The following RYR3 variants were observed in gnomAD, a reference collection of about 807,000 sequenced individuals.
The protein encoded by RYR3 is ryanodine receptor 3.
Under a neutral mutation model 584.3 loss-of-function variants are expected in RYR3, and 207 were observed. That is an observed-to-expected ratio of 0.35 (90% CI 0.32 to 0.40). The LOEUF (loss-of-function observed/expected upper bound fraction) is 0.40. RYR3 is among the 10% of genes least tolerant of loss of function. RYR3 has a pLI of 1.00. For missense variants in RYR3, 5,616 were observed against 6,089.2 expected, an observed-to-expected ratio of 0.92 and a Z score of 2.59; for synonymous variants, 2,416 against 2,248.5, an observed-to-expected ratio of 1.07 and a Z score of -2.11.
intron 36 of RYR3, among the ~76,000 whole-genome samples, chr15:33,664,587 GTGTA>G (rs1566908342): frequency 2.3e-5 from 1 of 42,626 alleles, no homozygotes; most frequent in African/African-American, 7.4e-5. Context: ...GTGTGTGTGT[GTGTA>G]TATATATATA....
chr15:33,440,042 C>T (rs1300288525), intron 1 of RYR3, among the ~76,000 whole-genome samples: 1 of 152,156 alleles, frequency 6.6e-6, no homozygotes, highest in African/African-American at 2.4e-5. Flanking sequence ...AATCCCAGCA[C>T]TTTGGGAGGC....
chr15:33,377,292 A>T (rs1481923123), intron 1 of RYR3, among the ~76,000 whole-genome samples: 1 of 152,192 alleles, frequency 6.6e-6, no homozygotes, highest in African/African-American at 2.4e-5. Context: ...CTCTTCTCTA[A>T]ACAATGACGC....
At position 33,798,237 on chromosome 15, in the gene RYR3, C is replaced by A. The variant is rs575630170; in HGVS notation, c.9831-2533C>A. 2.6e-5 allele frequency among the ~76,000 whole-genome samples: 4 copies of A among 152,148 alleles called. No individual in the cohort carries two copies. In the East Asian group the frequency reaches 7.7e-4, roughly 29 times the overall value. On this transcript the variant is annotated intron_variant, in intron 67 of 103. Coordinates refer to ENST00000634891, the MANE Select transcript of RYR3 (RefSeq NM_001036.6). ...CCAAGTAGCTGGGATTATAGGTGCC[C>A]ACCACCATGCAAAGCTAATTTTTGT...
At chr15:33,794,413 A>T (rs376378236) in intron 67 of RYR3, among the ~76,000 whole-genome samples, 2 of 149,264 alleles carry the variant, frequency 1.3e-5, no homozygotes, top group East Asian at 3.9e-4. Context: ...TCATTTTCAC[A>T]CACAAAAATC....
intron 2 of RYR3, among the ~76,000 whole-genome samples, chr15:33,485,041 G>A (rs573240546): frequency 2.0e-5 from 3 of 152,200 alleles, no homozygotes; most frequent in Non-Finnish European, 4.4e-5. Context: ...AAAAATGAAT[G>A]GAGAAATAAA....
chr15:33,542,775 A>C (rs2055928119), intron 7 of RYR3, among the ~76,000 whole-genome samples: 2 of 152,118 alleles, frequency 1.3e-5, no homozygotes, highest in Non-Finnish European at 2.9e-5. Context: ...TATTAAGTTC[A>C]TATGTCTCCT....
intron 12 of RYR3, among the ~76,000 whole-genome samples, chr15:33,578,765 T>TAA (rs1263790835): frequency 2.2e-4 from 6 of 26,756 alleles, no homozygotes; most frequent in Non-Finnish European, 4.2e-4. Context: ...GAACTTAGAA[T>TAA]AAAAAAAAAA....
At chr15:33,350,607 C>T in intron 1 of RYR3, among the ~76,000 whole-genome samples, 1 of 151,854 alleles carries the variant, frequency 6.6e-6, no homozygotes, top group East Asian at 1.9e-4. Flanking sequence ...TTAAGAAACT[C>T]ACTCAAAACC....
At chr15:33,698,707 C>T (rs2066045862) in intron 40 of RYR3, among the ~76,000 whole-genome samples, 1 of 152,106 alleles carries the variant, frequency 6.6e-6, no homozygotes, top group Non-Finnish European at 1.5e-5. Context: ...GAACAGAAGC[C>T]AGGGTCACGT....
chr15:33,643,284 C>T (rs2061932697), intron 27 of RYR3, among the ~76,000 whole-genome samples: 1 of 152,196 alleles, frequency 6.6e-6, no homozygotes, highest in African/African-American at 2.4e-5. Flanking sequence ...CAGCGGTCCT[C>T]CAGCCACCTG....
intron 44 of RYR3, 104 bp from the exon 45 acceptor site, chr15:33,723,961 A>T (rs1440201189): frequency 4.7e-6 from 3 of 645,112 alleles, no homozygotes; most frequent in Non-Finnish European, 8.4e-6. Flanking sequence ...AGGATGTATG[A>T]TATGCAAGAA....
chr15:33,848,742 G>A (rs115435824), intron 94 of RYR3, among the ~76,000 whole-genome samples: 376 of 151,246 alleles, frequency 2.5e-3, no homozygotes, highest in African/African-American at 8.6e-3. Context: ...TGGCCAAGGC[G>A]TCTAGAGATC....
Position 33,738,504 on chromosome 15 carries a change from TGG to T in RYR3, c.7574_7575del (p.Gly2525GlufsTer22). Reference sequence around the variant, plus strand: ...GAAGTATTACTGCCTGCCTTCAGGATGGGGGAGCTACGGGCTAGCTGTGGAAG... The same window carrying T: ...GAAGTATTACTGCCTGCCTTCAGGATGGGAGCTACGGGCTAGCTGTGGAAG... ...CWKYYCLPSGWGSYGLAVEEE... is the reference protein window; with the variant it reads ...CWKYYCLPSGXGSYGLAVEEE... On this transcript the variant is annotated frameshift_variant, in exon 50 of 104. Transcript: ENST00000634891. LOFTEE classifies it high-confidence loss of function. 6.2e-7 allele frequency: 1 copy of T among 1,613,916 alleles called. No homozygotes were observed. Among genetic ancestry groups the T allele is most frequent in the Non-Finnish European group, 8.5e-7 (1 of 1,179,846 alleles).
intron 98 of RYR3, 131 bp from the exon 99 acceptor site, chr15:33,857,649 C>G: frequency 8.8e-7 from 1 of 1,138,198 alleles, no homozygotes. Flanking sequence ...CTTAGCCGCC[C>G]TCCACCCCTT....
intron 60 of RYR3, among the ~76,000 whole-genome samples, chr15:33,766,126 CA>C (rs566473054): frequency 6.6e-6 from 1 of 150,672 alleles, no homozygotes; most frequent in Non-Finnish European, 1.5e-5. Context: ...ACTAAAAAAA[CA>C]AAAAAAATAG....
At chr15:33,435,887 C>G (rs1025551193) in intron 1 of RYR3, among the ~76,000 whole-genome samples, 2 of 152,198 alleles carry the variant, frequency 1.3e-5, no homozygotes, top group Non-Finnish European at 1.5e-5. Context: ...GTTGCCACTA[C>G]TGGCTGGGGT....
chr15:33,562,804 G>C, intron 10 of RYR3, 33 bp from the exon 11 acceptor site: 1 of 1,527,642 alleles, frequency 6.5e-7, no homozygotes, highest in Non-Finnish European at 9.1e-7. Context: ...AATCAGCTAT[G>C]CCTATGTTTG....
intron 96 of RYR3, among the ~76,000 whole-genome samples, 192 bp from the exon 97 acceptor site, chr15:33,854,195 CAA>C (rs35238625): frequency 7.2e-6 from 1 of 138,048 alleles, no homozygotes; most frequent in African/African-American, 2.7e-5. Context: ...GACTCCGTTT[CAA>C]AAAAAAAAAA....
At position 33,812,895 on chromosome 15, in the gene RYR3, C is replaced by A; in HGVS notation, c.10290C>A (p.Asn3430Lys). Residue 3430 changes from asparagine to lysine, a missense_variant, in exon 73 of 104, where the codon AAC becomes AAA. Physicochemically the swap from Asn to Lys is moderately conservative, Grantham distance 94. Transcript: ENST00000634891. Reference sequence around the variant, plus strand: ...ACCCAGCTGTAAAATGGCAACTGAACCTCTACAAGGATGTTCTGAAGAGTG... The same window carrying A: ...ACCCAGCTGTAAAATGGCAACTGAAACTCTACAAGGATGTTCTGAAGAGTG... ...SDDPAVKWQL[N>K]LYKDVLKSEE... The A allele has an allele frequency of 6.2e-7, 1 of 1,613,924 alleles. No individual in the cohort carries two copies. Among genetic ancestry groups the A allele is most frequent in the Non-Finnish European group, 8.5e-7 (1 of 1,179,848 alleles).
Sources: gnomAD v4.1 joint callset for allele counts (sites outside exome capture counted in the v4.1 genomes callset) on GRCh38, gnomAD v4.1.1 for gene constraint, MANE v1.5 for transcripts, NCBI Gene and HGNC (gene_info 2026-07-23, HGNC 2026-07-21) for gene names.